HSPA4: variants seen among roughly 807,000 people sequenced by gnomAD.
HSPA4 encodes heat shock 70 kDa protein 4.
In HSPA4, 25 loss-of-function variants were observed where a neutral mutation model predicts 106.2. The ratio of observed to expected loss-of-function variants is 0.24; its 90% confidence interval spans 0.17 to 0.33. The LOEUF is 0.33. Ranked by LOEUF, HSPA4 falls within the 10% of genes least tolerant of loss-of-function variation. The pLI, the probability that HSPA4 is intolerant of heterozygous loss-of-function variation, is 1.00. For synonymous variants in HSPA4, 332 were observed against 333.6 expected (o/e 1.00, Z 0.05); for missense variants, 841 against 996.0 (o/e 0.84, Z 2.10).
intron 4 of HSPA4, among the ~76,000 whole-genome samples, chr5:133,071,340 A>T (rs1215385565): frequency 6.6e-6 from 1 of 150,958 alleles, no homozygotes. Context: ...ACACACCTGT[A>T]GTCCCAGCTA....
At chr5:133,062,184 A>G (rs1304737519) in intron 1 of HSPA4, among the ~76,000 whole-genome samples, 1 of 152,124 alleles carries the variant, frequency 6.6e-6, no homozygotes, top group Non-Finnish European at 1.5e-5. Context: ...ATTTGTTGGT[A>G]GTTGGTTTTG....
intron 7 of HSPA4, among the ~76,000 whole-genome samples, chr5:133,083,726 G>A (rs777311016): frequency 1.3e-5 from 2 of 151,964 alleles, no homozygotes; most frequent in African/African-American, 4.8e-5. Flanking sequence ...TTGTAGAGAT[G>A]TTGTTTCTCC....
At position 133,106,131 on chromosome 5, in the gene HSPA4, TTTTTTTTTTG is replaced by T. The variant is rs1765858107; in HGVS notation, c.*1696_*1705del. On this transcript the variant is annotated 3_prime_UTR_variant, in exon 19 of 19. Coordinates refer to ENST00000304858, the MANE Select transcript of HSPA4 (RefSeq NM_002154.4). ...TTTTTTTTTTTTTTTTTTTTTTTTT[TTTTTTTTTTG>T]GTGTGTGTGTGTGTGTGTGTGGGGA... The T allele has an allele frequency of 1.5e-5, 1 of 67,842 alleles. No homozygotes were observed. Among genetic ancestry groups the T allele is most frequent in the African/African-American group, 7.4e-5 (1 of 13,496 alleles). 4.2% of individuals were successfully genotyped at this position (67,842 alleles called of 1,614,324 possible).
Position 133,105,809 on chromosome 5 carries a change from C to T in HSPA4, c.*1373C>T, listed in dbSNP as rs1161767731. On this transcript the variant is annotated 3_prime_UTR_variant, in exon 19 of 19. Coordinates refer to ENST00000304858, the MANE Select transcript of HSPA4 (RefSeq NM_002154.4). ...TAAGCGTTTGTCCATCTCTAGATAA[C>T]ATTGAAAAGTTTGAGTGTTACAGGC... The T allele has an allele frequency of 6.6e-6, 1 of 152,064 alleles. No homozygotes were observed. The highest frequency in any genetic ancestry group is 1.5e-5 in the Non-Finnish European group (1 of 68,024). 9.4% of individuals were successfully genotyped at this position (152,064 alleles called of 1,614,324 possible).
intron 2 of HSPA4, among the ~76,000 whole-genome samples, chr5:133,066,291 C>T (rs991692324): frequency 6.6e-6 from 1 of 152,142 alleles, no homozygotes; most frequent in African/African-American, 2.4e-5. Context: ...TGTGTGTTCC[C>T]TTTCATCTAG....
intron 13 of HSPA4, among the ~76,000 whole-genome samples, chr5:133,093,742 C>A (rs1180520014): frequency 6.6e-6 from 1 of 152,234 alleles, no homozygotes; most frequent in Admixed American, 6.5e-5. Context: ...CCTCCCACTT[C>A]AGCACCCTGG....
chr5:133,095,727 C>T (rs1344157294), intron 13 of HSPA4, among the ~76,000 whole-genome samples: 1 of 151,950 alleles, frequency 6.6e-6, no homozygotes, highest in African/African-American at 2.4e-5. Flanking sequence ...ATAAAATTTA[C>T]CATCTTAACT....
At chr5:133,067,363 A>T (rs578159478) in intron 2 of HSPA4, 54 bp from the exon 3 acceptor site, 1 of 1,438,116 alleles carries the variant, frequency 7.0e-7, no homozygotes, top group African/African-American at 1.5e-5. Flanking sequence ...AGGCTGTTGA[A>T]ATAAAAAAAA....
At chr5:133,094,321 A>G (rs1052113871) in intron 13 of HSPA4, among the ~76,000 whole-genome samples, 1 of 152,188 alleles carries the variant, frequency 6.6e-6, no homozygotes, top group Non-Finnish European at 1.5e-5. Context: ...AAAAGTTTCT[A>G]ATTTTTACAA....
intron 13 of HSPA4, among the ~76,000 whole-genome samples, chr5:133,094,051 C>T (rs1765681882): frequency 6.6e-6 from 1 of 152,176 alleles, no homozygotes; most frequent in Non-Finnish European, 1.5e-5. Flanking sequence ...GAGATTGTGC[C>T]ACTGCACTCC....
At chr5:133,086,700 T>G in intron 7 of HSPA4, 82 bp from the exon 8 acceptor site, 1 of 958,518 alleles carries the variant, frequency 1.0e-6, no homozygotes, top group African/African-American at 1.6e-5. Flanking sequence ...GTTACCTGTT[T>G]TTTATTATAG....
intron 1 of HSPA4, among the ~76,000 whole-genome samples, chr5:133,060,779 A>G (rs921130289): frequency 4.1e-5 from 6 of 146,892 alleles, no homozygotes; most frequent in African/African-American, 1.3e-4. Context: ...TTTTAAAGGT[A>G]GCTGACTAGA....
chr5:133,103,337 G>A (rs550944907), intron 17 of HSPA4, among the ~76,000 whole-genome samples: 1 of 151,064 alleles, frequency 6.6e-6, no homozygotes, highest in South Asian at 2.1e-4. Context: ...GATTACGAGC[G>A]TGAGCCACCA....
At chr5:133,068,432 G>A (rs896982097) in intron 3 of HSPA4, among the ~76,000 whole-genome samples, 6 of 147,942 alleles carry the variant, frequency 4.1e-5, no homozygotes, top group South Asian at 2.1e-4. Context: ...GAATCCATGA[G>A]GGGGGGTGGG....
chr5:133,078,841 C>CTGAGTAGCTGGCACTGCACCCTCTGTT (rs1561580893), intron 7 of HSPA4, among the ~76,000 whole-genome samples: 1 of 151,946 alleles, frequency 6.6e-6, no homozygotes, highest in African/African-American at 2.4e-5. Context: ...TCAAGTGATC[C>CTGAGTAGCTGGCACTGCACCCTCTGTT]TCCTGCCTCA....
intron 17 of HSPA4, among the ~76,000 whole-genome samples, chr5:133,103,219 T>C (rs540476386): frequency 9.3e-4 from 142 of 152,096 alleles, no homozygotes; most frequent in Non-Finnish European, 1.8e-4. Flanking sequence ...ATGGCCCTCA[T>C]GCCTGGCTAA....
chr5:133,088,560 A>G lies in HSPA4; in HGVS notation c.1137+5A>G, dbSNP rs1280655159. ...ACTCGAGGCTGTGCATTGCAGGTGA[A>G]TATTCTTTCTTTTATAGGTAACCAT... On this transcript the variant is annotated splice_donor_5th_base_variant and intron_variant, in intron 9 of 18. Coordinates refer to ENST00000304858, the MANE Select transcript of HSPA4 (RefSeq NM_002154.4). 1 of 1,610,266 alleles carries G rather than the reference A, an allele frequency of 6.2e-7. No individual in the cohort carries two copies. The highest frequency in any genetic ancestry group is 8.5e-7 in the Non-Finnish European group (1 of 1,176,892).
At chr5:133,076,043 A>G (rs1488926822) in intron 6 of HSPA4, 2 of 152,342 alleles carry the variant, frequency 1.3e-5, no homozygotes, top group Admixed American at 6.5e-5. Flanking sequence ...TTATTCCTTC[A>G]TAAGGATGTC....
At chr5:133,099,353 G>A (rs985891370) in intron 15 of HSPA4, among the ~76,000 whole-genome samples, 192 bp from the exon 16 acceptor site, 2 of 150,180 alleles carry the variant, frequency 1.3e-5, no homozygotes, top group Non-Finnish European at 3.0e-5. Flanking sequence ...GGCTGTTCTT[G>A]AACTCCTGAC....
Sources: gnomAD v4.1 joint callset for allele counts (sites outside exome capture counted in the v4.1 genomes callset) on GRCh38, gnomAD v4.1.1 for gene constraint, MANE v1.5 for transcripts, NCBI Gene and HGNC (gene_info 2026-07-23, HGNC 2026-07-21) for gene names.